PLIN4: variants seen among roughly 807,000 people sequenced by gnomAD.
The protein encoded by PLIN4 is perilipin-4.
A neutral mutation model predicts 52.4 loss-of-function variants in PLIN4; 57 were observed. That is an observed-to-expected ratio of 1.09 (90% CI 0.88 to 1.36). The LOEUF (loss-of-function observed/expected upper bound fraction) is 1.36, where lower values mean the gene tolerates loss of function less well. Ranked by LOEUF, PLIN4 falls within the 40% of genes most tolerant of loss-of-function variation. The pLI, the probability that PLIN4 is intolerant of heterozygous loss-of-function variation, is 0.00. For synonymous variants in PLIN4, 826 were observed against 785.4 expected, an observed-to-expected ratio of 1.05 and a Z score of -0.86; for missense variants, 1,757 against 1,770.3, an observed-to-expected ratio of 0.99 and a Z score of 0.13.
At chr19:4,505,151 T>G (rs1976054743) in intron 6 of PLIN4, among the ~76,000 whole-genome samples, 1 of 152,004 alleles carries the variant, frequency 6.6e-6, no homozygotes, top group African/African-American at 2.4e-5. Context: ...CATCAGGGAG[T>G]GCACGTAACA....
intron 5 of PLIN4, among the ~76,000 whole-genome samples, chr19:4,509,324 A>AAAAAAAAAAAAAAAAAAAAAAAAAC (rs1976211587): frequency 6.9e-6 from 1 of 144,308 alleles, no homozygotes; most frequent in African/African-American, 2.5e-5. Flanking sequence ...AAAAAAAAAA[A>AAAAAAAAAAAAAAAAAAAAAAAAAC]AGTTAAGTGA....
chr19:4,508,827 G>A lies in PLIN4; in HGVS notation c.3643C>T (p.Gln1215Ter), dbSNP rs369665013. 2.5e-6 allele frequency: 4 copies of A among 1,605,610 alleles called. No homozygotes were observed. The African/African-American group carries it at 4.0e-5, about 16-fold the overall frequency. ...TCCCTGGCTTGGAACTGGCCGTGCT[G>A]CAGGTGGCTCACCGCGTGTTCAAAT... Reference protein sequence around the residue: ...RAFEHAVSHLQHGQFQARDTL... With the variant: ...RAFEHAVSHL Residue 1215 changes from glutamine (Q) to a stop codon, truncating the protein, a stop_gained, in exon 6 of 8, where the codon CAG becomes TAG. Transcript: ENST00000301286. LOFTEE classifies it high-confidence loss of function.
Position 4,512,184 on chromosome 19 carries a change from G to C in PLIN4, c.1776C>G (p.Thr592=), listed in dbSNP as rs374289800. ...AVQTGVDTAK[T]VLTGTKDTVT... is the part of the protein sequence containing the mutation. ...CTGTGTCCTTGGTGCCGGTCAGCAC[G>C]GTCTTGGCTGTGTCTACACCTGTCT... The change falls in exon 5 of 8, where the codon ACC becomes ACG. Residue 592 remains threonine, a synonymous_variant. Coordinates refer to ENST00000301286, the MANE Select transcript of PLIN4 (RefSeq NM_001367868.2). The C allele has an allele frequency of 1.9e-6, 3 of 1,609,646 alleles. No homozygotes were observed. In the Admixed American group the frequency reaches 5.0e-5, roughly 27 times the overall value.
chr19:4,514,268 C>A (rs1448164474), intron 4 of PLIN4, among the ~76,000 whole-genome samples: 1 of 151,888 alleles, frequency 6.6e-6, no homozygotes, highest in African/African-American at 2.4e-5. Flanking sequence ...CCTGGGCAAC[C>A]AAACAAGACC....
rs1364579219 is a variant in PLIN4, at chr19:4,508,817, T to G, written c.3653A>C (p.Gln1218Pro). 6.2e-7 allele frequency: 1 copy of G among 1,601,842 alleles called. No homozygotes were observed. The highest frequency in any genetic ancestry group is 1.7e-5 in the Admixed American group (1 of 58,292). The stretch of plus-strand genomic sequence containing the variant: ...GGCCAGAGTGTCCCTGGCTTGGAAC[T>G]GGCCGTGCTGCAGGTGGCTCACCGC... ...EHAVSHLQHG[Q>P]FQARDTLAQL... Residue 1218 changes from glutamine to proline, a missense_variant, in exon 6 of 8, where the codon CAG (glutamine) becomes CCG (proline). Gln to Pro is a moderately conservative substitution (Grantham distance 76, BLOSUM62 -1). This residue lies in a region of PLIN4 where 712 missense variants were observed against 637.1 expected (regional missense o/e 1.12). Coordinates refer to ENST00000301286, the MANE Select transcript of PLIN4 (RefSeq NM_001367868.2).
At chr19:4,518,333 C>T (rs1004763394) in intron 1 of PLIN4, 44 bp from the exon 2 acceptor site, 48 of 1,232,086 alleles carry the variant, frequency 3.9e-5, no homozygotes, top group East Asian at 9.5e-5. Flanking sequence ...GTTCCCTAGC[C>T]TCCCATCCCA....
Position 4,510,569 on chromosome 19 carries a change from T to G in PLIN4, c.3391A>C (p.Arg1131=). Residue 1131 remains arginine (R), a synonymous_variant, in exon 5 of 8, where the codon AGG becomes CGG. Transcript: ENST00000301286. ...ATFTQGAAPG[R]EDTGLLATTH... is the part of the protein sequence containing the mutation. ...GTGGCCAAAAGCCCCGTGTCCTCCC[T>G]GCCTGGGGCGGCCCCTTGGGTGAAC... is the stretch of plus-strand genomic sequence containing the variant. 6.7e-7 allele frequency: 1 copy of G among 1,501,928 alleles called. No homozygotes were observed. The highest frequency in any genetic ancestry group is 1.4e-5 in the African/African-American group (1 of 71,528). The allele number at this position is 1,501,928 out of a possible 1,614,324, so 93.0% of individuals were successfully genotyped here.
At position 4,507,686 on chromosome 19, in the gene PLIN4, C is replaced by T. The variant is rs1053044122; in HGVS notation, c.3702+1082G>A. ...CCTGGGTGGCAGAGCAAGACCCTGTCTCACTGTCTCCAAAACATAAACCCC... is the reference window on the plus strand; with the variant it reads ...CCTGGGTGGCAGAGCAAGACCCTGTTTCACTGTCTCCAAAACATAAACCCC... On this transcript the variant is annotated intron_variant, in intron 6 of 7. Coordinates refer to ENST00000301286, the MANE Select transcript of PLIN4 (RefSeq NM_001367868.2). 2.2e-4 allele frequency among the ~76,000 whole-genome samples: 33 copies of T among 152,144 alleles called. 1 individual carries two copies. Among genetic ancestry groups the T allele is most frequent in the Non-Finnish European group, 8.8e-5 (6 of 68,032 alleles).
chr19:4,509,204 G>T (rs540169702), intron 5 of PLIN4, among the ~76,000 whole-genome samples: 1 of 150,288 alleles, frequency 6.7e-6, no homozygotes, highest in East Asian at 2.0e-4. Flanking sequence ...CCAGCTACTC[G>T]GGAGGCTGAG....
chr19:4,511,209 C>T lies in PLIN4; in HGVS notation c.2751G>A (p.Val917=), dbSNP rs200792503. 13 of 1,612,324 alleles carry T rather than the reference C, an allele frequency of 8.1e-6. No individual in the cohort carries two copies. The African/African-American group carries it at 1.1e-4, about 13-fold the overall frequency. ...CGGTCAGGACAGTCTTGCTGGTGTC[C>T]ACGCCGGTCTGGACAGTCCCTTTGG... ...NLAKGTVQTG[V]DTSKTVLTGT... is the part of the protein sequence containing the mutation. The change falls in exon 5 of 8, where the codon GTG becomes GTA. Residue 917 remains valine, a synonymous_variant. Coordinates refer to ENST00000301286, the MANE Select transcript of PLIN4 (RefSeq NM_001367868.2).
Position 4,511,230 on chromosome 19 carries a change from T to C in PLIN4, c.2730A>G (p.Lys910=), listed in dbSNP as rs1317556668. The change falls in exon 5 of 8, where the codon AAA becomes AAG. Residue 910 remains lysine, a synonymous_variant. Coordinates refer to ENST00000301286, the MANE Select transcript of PLIN4 (RefSeq NM_001367868.2). The part of the protein sequence containing the change: ...TGLTGAVNLA[K]GTVQTGVDTS... Reference sequence around the variant, plus strand: ...TGTCCACGCCGGTCTGGACAGTCCCTTTGGCCAAGTTCACAGCCCCTGTGA... The same window carrying C: ...TGTCCACGCCGGTCTGGACAGTCCCCTTGGCCAAGTTCACAGCCCCTGTGA... 2.5e-6 allele frequency: 4 copies of C among 1,611,172 alleles called. No individual in the cohort carries two copies. The African/African-American group carries it at 4.0e-5, about 16-fold the overall frequency.
rs770808519 is a variant in PLIN4 at position 4,513,291 on chromosome 19, G to A, written c.669C>T (p.Gly223=). The change falls in exon 5 of 8, where the codon GGC becomes GGT. Residue 223 remains glycine (G), a synonymous_variant. Transcript: ENST00000301286. Reference sequence around the variant, plus strand: ...TCAGCACAGCCTTGGAGGTTTCCACGCCAGTCTGGACAGTCCCTTTGGCCA... The same window carrying A: ...TCAGCACAGCCTTGGAGGTTTCCACACCAGTCTGGACAGTCCCTTTGGCCA... ...VNLAKGTVQT[G]VETSKAVLTG... 1.4e-5 allele frequency: 22 copies of A among 1,612,588 alleles called. No individual in the cohort carries two copies. The highest frequency in any genetic ancestry group is 8.9e-5 in the East Asian group (4 of 44,862).
Position 4,511,173 on chromosome 19 carries a change from G to A in PLIN4, c.2787C>T (p.Asp929=), listed in dbSNP as rs763570198. ...TSKTVLTGTK[D]TVCSGVTGAV... is the part of the protein sequence containing the mutation. ...CACCAGTGACTCCACTGCAGACGGT[G>A]TCCTTGGTACCGGTCAGGACAGTCT... Residue 929 remains aspartate, a synonymous_variant, in exon 5 of 8, where the codon GAC becomes GAT. Coordinates refer to ENST00000301286, the MANE Select transcript of PLIN4 (RefSeq NM_001367868.2). 19 of 1,612,196 alleles carry A rather than the reference G, an allele frequency of 1.2e-5. No individual in the cohort carries two copies. In the African/African-American group the frequency reaches 1.5e-4, roughly 12 times the overall value.
In PLIN4 at chr19:4,502,660, C is replaced by G. The variant is rs1975956676; in HGVS notation, c.*1799G>C. 1 of 178,750 alleles carries G rather than the reference C, an allele frequency of 5.6e-6. No individual in the cohort carries two copies. Among genetic ancestry groups the G allele is most frequent in the South Asian group, 1.2e-4 (1 of 8,302 alleles). 11.1% of individuals were successfully genotyped at this position (178,750 alleles called of 1,614,324 possible). A position where few individuals can be genotyped will look rare whatever the true frequency, so the allele number is the denominator to read the frequency against. On this transcript the variant is annotated 3_prime_UTR_variant, in exon 8 of 8. Transcript: ENST00000301286. Reference sequence around the variant, plus strand: ...TTCAGGGAGCATGGGCCTCAGGGGCCAGCCTCGACTCACCCCAGCTGTGTC... The same window carrying G: ...TTCAGGGAGCATGGGCCTCAGGGGCGAGCCTCGACTCACCCCAGCTGTGTC...
rs776220958 is a variant in PLIN4 at position 4,511,162 on chromosome 19, C to T, written c.2798G>A (p.Ser933Asn). ...CACATTTACGGCACCAGTGACTCCA[C>T]TGCAGACGGTGTCCTTGGTACCGGT... is the stretch of plus-strand genomic sequence containing the variant. Reference protein sequence around the residue: ...VLTGTKDTVCSGVTGAVNVAK... With the variant: ...VLTGTKDTVCNGVTGAVNVAK... Residue 933 changes from serine to asparagine, a missense_variant, in exon 5 of 8, where the codon AGT becomes AAT. Transcript: ENST00000301286. The T allele has an allele frequency of 2.5e-6, 4 of 1,610,636 alleles. No individual in the cohort carries two copies. The highest frequency in any genetic ancestry group is 3.4e-6 in the Non-Finnish European group (4 of 1,177,844).
intron 6 of PLIN4, 27 bp downstream of exon 6, chr19:4,508,741 G>A (rs773398949): frequency 9.7e-6 from 15 of 1,550,462 alleles, no homozygotes; most frequent in African/African-American, 2.7e-5. Context: ...CCCTGGGGAC[G>A]GGGCAGCAGC....
In PLIN4 at chr19:4,503,038, G is replaced by T. The variant is rs1042456603; in HGVS notation, c.*1421C>A. On this transcript the variant is annotated 3_prime_UTR_variant, in exon 8 of 8. Transcript: ENST00000301286. ...GGTGTCGGGCTGAGGAGAAGGCTTGGGAAGGCTCCTGACCCGTCCCCTCTC... is the reference window on the plus strand; with the variant it reads ...GGTGTCGGGCTGAGGAGAAGGCTTGTGAAGGCTCCTGACCCGTCCCCTCTC... The T allele has an allele frequency of 6.6e-6, 1 of 152,240 alleles. No homozygotes were observed. Among genetic ancestry groups the T allele is most frequent in the Admixed American group, 6.5e-5 (1 of 15,270 alleles). The allele number at this position is 152,240 out of a possible 1,614,324, so 9.4% of individuals were successfully genotyped here.
intron 5 of PLIN4, 38 bp downstream of exon 5, chr19:4,510,408 C>A (rs750840483): frequency 2.2e-6 from 3 of 1,370,580 alleles, no homozygotes; most frequent in Non-Finnish European, 1.9e-6. Context: ...AGCAGCTGTG[C>A]CTGCCTCAGG....
At chr19:4,508,223 CTGCACACAGATTGTTT>C (rs370990926) in intron 6 of PLIN4, among the ~76,000 whole-genome samples, 8 of 152,314 alleles carry the variant, frequency 5.3e-5, no homozygotes, top group African/African-American at 1.9e-4. Context: ...ACATCCCCCT[CTGCACACAGATTGTTT>C]TGCTGTCTTT....
Sources: allele counts gnomAD v4.1 joint callset (sites outside exome capture counted in the v4.1 genomes callset), GRCh38; gene constraint gnomAD v4.1.1; regional missense constraint gnomAD v4.1.1; transcripts MANE v1.5; gene names NCBI Gene and HGNC (gene_info 2026-07-23, HGNC 2026-07-21).